Variants in TNFRSF13B observed in about 807,000 individuals in gnomAD.
TNFRSF13B encodes TNF receptor superfamily member 13B.
Under a neutral mutation model 24.0 loss-of-function variants are expected in TNFRSF13B, and 34 were observed. The ratio of observed to expected loss-of-function variants is 1.41; its 90% CI spans 1.08 to 1.88. The LOEUF (loss-of-function observed/expected upper bound fraction) is 1.88. Ranked by LOEUF, TNFRSF13B falls within the 40% of genes most tolerant of loss-of-function variation. TNFRSF13B has a pLI of 0.00. For missense variants in TNFRSF13B, 415 were observed against 380.8 expected (o/e 1.09, Z -0.75); for synonymous variants, 173 against 150.3 (o/e 1.15, Z -1.10).
intron 2 of TNFRSF13B, among the ~76,000 whole-genome samples, chr17:16,949,415 G>A (rs2087573037): frequency 2.0e-5 from 3 of 152,160 alleles, no homozygotes; most frequent in Admixed American, 2.0e-4. Context: ...CATAAGGAAA[G>A]AAGGGGAAAA....
chr17:16,944,697 C>G (rs1287954428), intron 3 of TNFRSF13B, among the ~76,000 whole-genome samples: 1 of 152,184 alleles, frequency 6.6e-6, no homozygotes, highest in Non-Finnish European at 1.5e-5. Flanking sequence ...CTGCCTCATT[C>G]TCCCCACTCC....
chr17:16,969,726 G>C (rs28688013), intron 1 of TNFRSF13B, among the ~76,000 whole-genome samples: 60,829 of 152,028 alleles, frequency 0.4, 13,485 homozygotes, highest in Non-Finnish European at 0.5. Context: ...GTGGGAACTG[G>C]GCAGATGGAG....
At chr17:16,948,701 T>C in intron 3 of TNFRSF13B, 37 bp downstream of exon 3, 1 of 1,612,734 alleles carries the variant, frequency 6.2e-7, no homozygotes, top group African/African-American at 1.3e-5. Flanking sequence ...TTTCTCACCC[T>C]GCGTGACACC....
At chr17:16,952,983 C>CTGAG (rs1490496531) in intron 1 of TNFRSF13B, among the ~76,000 whole-genome samples, 1 of 152,204 alleles carries the variant, frequency 6.6e-6, no homozygotes, top group Non-Finnish European at 1.5e-5. Context: ...CCTTCTCAGA[C>CTGAG]TGAGACCTCT....
chr17:16,956,379 G>A (rs1004341178), intron 1 of TNFRSF13B, among the ~76,000 whole-genome samples: 2 of 152,030 alleles, frequency 1.3e-5, no homozygotes, highest in African/African-American at 4.8e-5. Flanking sequence ...CAAAGCAGCA[G>A]TTTTGCCACA....
In TNFRSF13B at chr17:16,942,947, C is replaced by A. The variant is rs539481974; in HGVS notation, c.446-2436G>T. On this transcript the variant is annotated intron_variant, in intron 3 of 4. Coordinates refer to ENST00000261652, the MANE Select transcript of TNFRSF13B (RefSeq NM_012452.3). ...ACTCCAGGCCTCTGCCTCAAGAAGG[C>A]CTGACAGCCTCGGTGTTTGCTCCCT... Among the ~76,000 whole-genome samples the A allele has an allele frequency of 1.6e-4, 25 of 152,330 alleles. No homozygotes were observed. The South Asian group carries it at 5.0e-3, about 30-fold the overall frequency.
chr17:16,967,911 G>T (rs537186568), intron 1 of TNFRSF13B, among the ~76,000 whole-genome samples: 14 of 151,718 alleles, frequency 9.2e-5, no homozygotes, highest in African/African-American at 3.4e-4. Context: ...GCCGAGGTGG[G>T]TGGATCACGA....
intron 1 of TNFRSF13B, among the ~76,000 whole-genome samples, chr17:16,953,953 G>C (rs2087607929): frequency 6.6e-6 from 1 of 152,180 alleles, no homozygotes; most frequent in Non-Finnish European, 1.5e-5. Context: ...TTTTAGTAGA[G>C]AGCGGGTTTC....
chr17:16,958,761 A>T lies in TNFRSF13B; in HGVS notation c.62-6178T>A, dbSNP rs140701752. Among the ~76,000 whole-genome samples, 387 of 152,210 alleles carry T rather than the reference A, an allele frequency of 2.5e-3. 5 individuals are homozygous for T. Among genetic ancestry groups the T allele is most frequent in the African/African-American group, 9.0e-3 (375 of 41,560 alleles). On this transcript the variant is annotated intron_variant, in intron 1 of 4. Coordinates refer to ENST00000261652, the MANE Select transcript of TNFRSF13B (RefSeq NM_012452.3). ...TTAATAAAGGGGATACAGCATAAAGATGTAACAATTATAAATGTATACACA... is the reference window on the plus strand; with the variant it reads ...TTAATAAAGGGGATACAGCATAAAGTTGTAACAATTATAAATGTATACACA...
intron 3 of TNFRSF13B, among the ~76,000 whole-genome samples, chr17:16,942,838 A>C (rs59401088): frequency 0.026 from 3,924 of 152,330 alleles, 182 homozygotes; most frequent in African/African-American, 0.089. Flanking sequence ...GAGCACAGTC[A>C]CCTGACATCA....
chr17:16,971,941 AC>A lies in TNFRSF13B; in HGVS notation c.61+73del. On this transcript the variant is annotated intron_variant, in intron 1 of 4. Coordinates refer to ENST00000261652, the MANE Select transcript of TNFRSF13B (RefSeq NM_012452.3). ...GGCTTTGCACCTGCTGGACCTTGCA[AC>A]CCCCACGGCACTCAGGCCCAACCCT... is the stretch of plus-strand genomic sequence containing the variant. 6 of 1,511,764 alleles carry A rather than the reference AC, an allele frequency of 4.0e-6. No individual in the cohort carries two copies. The East Asian group carries it at 6.8e-5, about 17-fold the overall frequency. 93.6% of individuals were successfully genotyped at this position (1,511,764 alleles called of 1,614,324 possible). A position where few individuals can be genotyped will look rare whatever the true frequency, so the allele number is the denominator to read the frequency against.
rs373469090 is a variant in TNFRSF13B at position 16,940,396 on chromosome 17, C to T, written c.561G>A (p.Lys187=). The T allele has an allele frequency of 1.7e-4, 271 of 1,613,992 alleles. 1 individual carries two copies. Among genetic ancestry groups the T allele is most frequent in the Non-Finnish European group, 2.2e-4 (262 of 1,180,024 alleles). The change falls in exon 4 of 5, where the codon AAG becomes AAA. Residue 187 remains lysine, a synonymous_variant. Coordinates refer to ENST00000261652, the MANE Select transcript of TNFRSF13B (RefSeq NM_012452.3). ...CFLVAVACFL[K]KRGDPCSCQP... Reference sequence around the variant, plus strand: ...GGCAGGAGCAGGGATCCCCCCTCTTCTTGAGGAAGCAGGCCACCGCCACCA... The same window carrying T: ...GGCAGGAGCAGGGATCCCCCCTCTTTTTGAGGAAGCAGGCCACCGCCACCA...
At chr17:16,969,316 A>G (rs2087727309) in intron 1 of TNFRSF13B, among the ~76,000 whole-genome samples, 1 of 152,234 alleles carries the variant, frequency 6.6e-6, no homozygotes, top group South Asian at 2.1e-4. Flanking sequence ...ATGTCCATCC[A>G]CCGATGACTG....
At chr17:16,952,022 G>A (rs1422877005) in intron 2 of TNFRSF13B, among the ~76,000 whole-genome samples, 1 of 152,200 alleles carries the variant, frequency 6.6e-6, no homozygotes, top group African/African-American at 2.4e-5. Flanking sequence ...GCGTCATTGT[G>A]CTGTCCTCTC....
chr17:16,962,301 G>A (rs1483282724), intron 1 of TNFRSF13B, among the ~76,000 whole-genome samples: 1 of 152,176 alleles, frequency 6.6e-6, no homozygotes, highest in African/African-American at 2.4e-5. Context: ...GAGGTCAGGA[G>A]TTCGAGACCA....
intron 3 of TNFRSF13B, among the ~76,000 whole-genome samples, chr17:16,945,522 A>T (rs1160211241): frequency 6.6e-6 from 1 of 152,160 alleles, no homozygotes; most frequent in Non-Finnish European, 1.5e-5. Flanking sequence ...CACTCTCTAG[A>T]TCTGTGAGGT....
At chr17:16,966,451 T>C (rs974764940) in intron 1 of TNFRSF13B, among the ~76,000 whole-genome samples, 1 of 152,142 alleles carries the variant, frequency 6.6e-6, no homozygotes, top group Non-Finnish European at 1.5e-5. Context: ...GAATAGACAG[T>C]TCACAGTCAG....
At chr17:16,939,968 C>T (rs1344923566) in intron 4 of TNFRSF13B, 171 bp from the exon 5 acceptor site, 10 of 1,102,258 alleles carry the variant, frequency 9.1e-6, no homozygotes, top group Middle Eastern at 3.1e-4. Context: ...GAACCTGTGC[C>T]GGGGCAGGGG....
intron 2 of TNFRSF13B, among the ~76,000 whole-genome samples, chr17:16,951,462 G>T (rs1351865625): frequency 6.6e-6 from 1 of 152,234 alleles, no homozygotes; most frequent in African/African-American, 2.4e-5. Context: ...GGGAAAACTG[G>T]ATATTGCCTG....
Sources: allele counts gnomAD v4.1 joint callset (sites outside exome capture counted in the v4.1 genomes callset), GRCh38; gene constraint gnomAD v4.1.1; transcripts MANE v1.5; gene names NCBI Gene and HGNC (gene_info 2026-07-23, HGNC 2026-07-21).